KCNQ5: variants seen among roughly 807,000 people sequenced by gnomAD.
KCNQ5 encodes potassium voltage-gated channel subfamily KQT member 5.
KCNQ5 carries 30 observed loss-of-function variants against 98.2 expected under a neutral mutation model. The ratio of observed to expected loss-of-function variants is 0.31; its 90% confidence interval spans 0.23 to 0.41. The LOEUF is 0.41. Among genes scored for constraint, KCNQ5 ranks in the 10% least tolerant of loss-of-function variants. KCNQ5 has a pLI of 1.00. For synonymous variants in KCNQ5, 458 were observed against 449.4 expected (o/e 1.02, Z -0.24); for missense variants, 835 against 1,182.5 (o/e 0.71, Z 4.31).
chr6:72,732,738 G>C (rs1351863062), intron 1 of KCNQ5, among the ~76,000 whole-genome samples: 1 of 152,208 alleles, frequency 6.6e-6, no homozygotes, highest in East Asian at 1.9e-4. Flanking sequence ...GTGAGAATGG[G>C]TTGGAGGTCA....
At chr6:72,667,959 A>G (rs534630979) in intron 1 of KCNQ5, among the ~76,000 whole-genome samples, 1 of 152,338 alleles carries the variant, frequency 6.6e-6, no homozygotes, top group South Asian at 2.1e-4. Flanking sequence ...AGGAGATATG[A>G]CGAACAATTA....
chr6:73,124,664 T>C, intron 9 of KCNQ5, 152 bp downstream of exon 9: 1 of 731,868 alleles, frequency 1.4e-6, no homozygotes. Context: ...TGCTATTTTA[T>C]TGATATTTCG....
At chr6:73,149,245 A>G (rs1318911536) in intron 10 of KCNQ5, among the ~76,000 whole-genome samples, 1 of 152,204 alleles carries the variant, frequency 6.6e-6, no homozygotes, top group Non-Finnish European at 1.5e-5. Context: ...GGAAATACAT[A>G]TTATAGAATG....
At chr6:72,825,149 AC>A (rs1225305610) in intron 1 of KCNQ5, among the ~76,000 whole-genome samples, 2 of 151,766 alleles carry the variant, frequency 1.3e-5, no homozygotes, top group African/African-American at 4.8e-5. Context: ...AACAACAACA[AC>A]AACAAAAAAA....
intron 2 of KCNQ5, among the ~76,000 whole-genome samples, chr6:73,016,427 C>G (rs1382926872): frequency 1.3e-5 from 2 of 152,038 alleles, no homozygotes; most frequent in African/African-American, 4.8e-5. Flanking sequence ...GAATCCAAAG[C>G]TGACTCAGTG....
intron 1 of KCNQ5, among the ~76,000 whole-genome samples, chr6:72,831,213 G>A (rs1694983495): frequency 1.3e-5 from 2 of 152,172 alleles, no homozygotes; most frequent in South Asian, 4.1e-4. Flanking sequence ...ATTTCACCCA[G>A]CCATCCCATT....
rs185710309 is a variant in KCNQ5 at position 73,042,573 on chromosome 6, G to T, written c.616+511G>T. Among the ~76,000 whole-genome samples the T allele has an allele frequency of 6.0e-4, 92 of 152,282 alleles. 1 individual carries two copies. The East Asian group carries it at 0.017, about 29-fold the overall frequency. ...ATATCAATTAACATTCTTCAAGAAT[G>T]ATTATAAGTATGGTTTGCTTAATGC... On this transcript the variant is annotated intron_variant, in intron 3 of 13. Transcript: ENST00000370398.
intron 3 of KCNQ5, among the ~76,000 whole-genome samples, chr6:73,075,571 A>C (rs1773503899): frequency 6.6e-6 from 1 of 152,200 alleles, no homozygotes; most frequent in African/African-American, 2.4e-5. Flanking sequence ...TTCTATTAAA[A>C]TAAAATCACA....
chr6:72,853,010 A>G (rs1195616373), intron 1 of KCNQ5, among the ~76,000 whole-genome samples: 1 of 152,122 alleles, frequency 6.6e-6, no homozygotes, highest in Non-Finnish European at 1.5e-5. Flanking sequence ...AAAATGGCAA[A>G]TGCTGTGCAT....
At chr6:72,815,601 C>T (rs950768042) in intron 1 of KCNQ5, among the ~76,000 whole-genome samples, 7 of 152,134 alleles carry the variant, frequency 4.6e-5, no homozygotes, top group African/African-American at 1.7e-4. Flanking sequence ...GATATTTGAA[C>T]GTGATTCTGC....
chr6:72,626,376 T>C (rs2098917980), intron 1 of KCNQ5, among the ~76,000 whole-genome samples: 1 of 152,170 alleles, frequency 6.6e-6, no homozygotes. Flanking sequence ...AGTAAAGATA[T>C]GGAGTTGTGA....
chr6:73,010,502 C>T lies in KCNQ5; in HGVS notation c.489+6504C>T, dbSNP rs149250031. ...CATCCCTATTCAACAAAGTACTAGA[C>T]GGCTGTACTAATTGCTAGCTAGAGC... On this transcript the variant is annotated intron_variant, in intron 2 of 13. Coordinates refer to ENST00000370398, the MANE Select transcript of KCNQ5 (RefSeq NM_019842.4). Among the ~76,000 whole-genome samples, 28 of 151,866 alleles carry T rather than the reference C, an allele frequency of 1.8e-4. No individual in the cohort carries two copies. In the East Asian group the frequency reaches 4.3e-3, roughly 23 times the overall value.
At chr6:72,727,702 G>A (rs1204062053) in intron 1 of KCNQ5, among the ~76,000 whole-genome samples, 5 of 152,044 alleles carry the variant, frequency 3.3e-5, no homozygotes, top group Non-Finnish European at 7.4e-5. Flanking sequence ...AAACCTGAGG[G>A]GTATTCAGGA....
intron 10 of KCNQ5, among the ~76,000 whole-genome samples, chr6:73,143,077 G>A (rs1045696298): frequency 1.1e-4 from 16 of 152,122 alleles, no homozygotes; most frequent in African/African-American, 3.6e-4. Context: ...GCTTCAAAGG[G>A]CAGAAGCAGA....
At chr6:72,803,307 G>A (rs573715793) in intron 1 of KCNQ5, among the ~76,000 whole-genome samples, 4 of 152,246 alleles carry the variant, frequency 2.6e-5, no homozygotes, top group East Asian at 3.9e-4. Context: ...TCTGGGCTGC[G>A]AACAGATAGT....
chr6:73,141,909 T>C (rs998217514), intron 10 of KCNQ5, among the ~76,000 whole-genome samples: 4 of 152,226 alleles, frequency 2.6e-5, no homozygotes, highest in Admixed American at 1.3e-4. Flanking sequence ...ACAGTTTCTA[T>C]GGTCAGGTAT....
At chr6:72,651,927 T>C (rs956107141) in intron 1 of KCNQ5, among the ~76,000 whole-genome samples, 6 of 152,084 alleles carry the variant, frequency 3.9e-5, no homozygotes, top group Non-Finnish European at 5.9e-5. Context: ...AAAGAATCTT[T>C]ATAATGCTGT....
chr6:72,919,804 T>C (rs1263918315), intron 1 of KCNQ5, among the ~76,000 whole-genome samples: 2 of 152,234 alleles, frequency 1.3e-5, no homozygotes, highest in African/African-American at 2.4e-5. Flanking sequence ...AGACCAATCA[T>C]GTCATTTGTC....
chr6:72,915,647 C>A (rs1410116026), intron 1 of KCNQ5, among the ~76,000 whole-genome samples: 2 of 152,026 alleles, frequency 1.3e-5, no homozygotes, highest in Non-Finnish European at 2.9e-5. Context: ...GCATAGCAGA[C>A]TTTTTCCTGT....
Sources: gnomAD v4.1 joint callset for allele counts (sites outside exome capture counted in the v4.1 genomes callset) on GRCh38, gnomAD v4.1.1 for gene constraint, MANE v1.5 for transcripts, NCBI Gene and HGNC (gene_info 2026-07-23, HGNC 2026-07-21) for gene names.